The following AUTS2 variants were observed in gnomAD, a reference collection of about 807,000 sequenced individuals.
The protein encoded by AUTS2 is activator of transcription and developmental regulator AUTS2.
Under a neutral mutation model 112.4 loss-of-function variants are expected in AUTS2, and 17 were observed. That is an observed-to-expected ratio of 0.15 (90% CI 0.10 to 0.23). The LOEUF is 0.23. Among genes scored for constraint, AUTS2 ranks in the 10% least tolerant of loss-of-function variants. The probability of loss-of-function intolerance (pLI) is 1.00; values close to 1 mark genes in which losing one functional copy is unlikely to be tolerated. For synonymous variants in AUTS2, 751 were observed against 702.7 expected (o/e 1.07, Z -1.09); for missense variants, 1,510 against 1,701.6 (o/e 0.89, Z 1.98).
Position 70,785,982 on chromosome 7 carries a change from C to A in AUTS2, c.2252C>A (p.Thr751Lys). 6.2e-7 allele frequency: 1 copy of A among 1,614,130 alleles called. No individual in the cohort carries two copies. Among genetic ancestry groups the A allele is most frequent in the Non-Finnish European group, 8.5e-7 (1 of 1,180,004 alleles). The change falls in exon 17 of 19, where the codon ACA (threonine) becomes AAA (lysine). Residue 751 changes from threonine (T) to lysine (K), a missense_variant. Coordinates refer to ENST00000342771, the MANE Select transcript of AUTS2 (RefSeq NM_015570.4). ...CCTTTTAATCGGCCGTCTACATTCA[C>A]AGGCCTAGCAGCAGTTGGTGGCAAT... ...LEPFNRPSTFTGLAAVGGNAF... is the reference protein window; with the variant it reads ...LEPFNRPSTFKGLAAVGGNAF...
chr7:70,484,943 C>A (rs1046168644), intron 5 of AUTS2, among the ~76,000 whole-genome samples: 1 of 152,174 alleles, frequency 6.6e-6, no homozygotes, highest in Non-Finnish European at 1.5e-5. Flanking sequence ...TACCACCTTA[C>A]TCCTGCAAGA....
intron 6 of AUTS2, among the ~76,000 whole-genome samples, chr7:70,750,550 G>A (rs1321471814): frequency 9.9e-5 from 15 of 151,890 alleles, no homozygotes; most frequent in African/African-American, 3.4e-4. Flanking sequence ...ACAGGCACAC[G>A]CCACCATGCC....
At chr7:70,299,532 A>G (rs1789105939) in intron 4 of AUTS2, among the ~76,000 whole-genome samples, 1 of 152,190 alleles carries the variant, frequency 6.6e-6, no homozygotes, top group Non-Finnish European at 1.5e-5. Context: ...TAGGTGCTTG[A>G]AAATGAGCGT....
At chr7:70,475,081 C>T (rs978512910) in intron 5 of AUTS2, among the ~76,000 whole-genome samples, 4 of 152,190 alleles carry the variant, frequency 2.6e-5, no homozygotes, top group African/African-American at 7.2e-5. Flanking sequence ...GATCTCTGCC[C>T]AGGGGCCTGG....
At chr7:70,567,457 A>G (rs1022437227) in intron 5 of AUTS2, among the ~76,000 whole-genome samples, 3 of 152,204 alleles carry the variant, frequency 2.0e-5, no homozygotes, top group Non-Finnish European at 4.4e-5. Context: ...GTCCTTGGGC[A>G]AGCCACTTAA....
At chr7:70,219,769 A>G (rs1811378171) in intron 4 of AUTS2, among the ~76,000 whole-genome samples, 1 of 151,930 alleles carries the variant, frequency 6.6e-6, no homozygotes, top group Non-Finnish European at 1.5e-5. Context: ...ACAGGGTTTC[A>G]CCACATTGGT....
intron 2 of AUTS2, among the ~76,000 whole-genome samples, chr7:69,977,914 CT>C: frequency 6.6e-6 from 1 of 152,262 alleles, no homozygotes; most frequent in Admixed American, 6.5e-5. Context: ...CTTCTTTTCA[CT>C]TTTCAGAGTC....
intron 1 of AUTS2, among the ~76,000 whole-genome samples, chr7:69,846,511 C>T (rs1457808071): frequency 6.6e-6 from 1 of 152,204 alleles, no homozygotes; most frequent in Non-Finnish European, 1.5e-5. Flanking sequence ...TGAGCACTCC[C>T]TATGTGTCGG....
intron 1 of AUTS2, among the ~76,000 whole-genome samples, chr7:69,701,572 T>G (rs1797809842): frequency 6.6e-6 from 1 of 152,174 alleles, no homozygotes; most frequent in Non-Finnish European, 1.5e-5. Context: ...CTCCTTTGAC[T>G]GGGGTGACGA....
chr7:69,902,780 C>T (rs1795017039), intron 2 of AUTS2, among the ~76,000 whole-genome samples: 1 of 152,100 alleles, frequency 6.6e-6, no homozygotes, highest in Admixed American at 6.5e-5. Flanking sequence ...AACCCAAGTT[C>T]TTGTGATGTT....
chr7:70,708,536 T>C (rs937486489), intron 6 of AUTS2, among the ~76,000 whole-genome samples: 3 of 152,118 alleles, frequency 2.0e-5, no homozygotes, highest in African/African-American at 7.2e-5. Flanking sequence ...TAAAAGAGTT[T>C]AAATGTATTT....
At chr7:69,866,712 A>C (rs1229887115) in intron 1 of AUTS2, among the ~76,000 whole-genome samples, 1 of 152,216 alleles carries the variant, frequency 6.6e-6, no homozygotes, top group Non-Finnish European at 1.5e-5. Context: ...TTACAGCAGA[A>C]GACGATGGTT....
intron 6 of AUTS2, among the ~76,000 whole-genome samples, chr7:70,731,494 A>G (rs968098298): frequency 2.3e-5 from 3 of 132,094 alleles, no homozygotes; most frequent in Non-Finnish European, 3.0e-5. Flanking sequence ...CAGTGGTGCA[A>G]TCTCGGCTCA....
At chr7:69,876,376 A>ATATATATATATATATG (rs1249907173) in intron 1 of AUTS2, among the ~76,000 whole-genome samples, 2 of 114,462 alleles carry the variant, frequency 1.7e-5, no homozygotes, top group Non-Finnish European at 3.5e-5. Context: ...ATATATATAT[A>ATATATATATATATATG]TATATATGTA....
At chr7:70,352,346 C>T (rs747283755) in intron 4 of AUTS2, among the ~76,000 whole-genome samples, 3 of 152,184 alleles carry the variant, frequency 2.0e-5, no homozygotes, top group Non-Finnish European at 2.9e-5. Context: ...CATGGCCTAA[C>T]TTGCCTCTCT....
chr7:70,207,179 G>T (rs1419563279), intron 4 of AUTS2, among the ~76,000 whole-genome samples: 1 of 152,078 alleles, frequency 6.6e-6, no homozygotes, highest in African/African-American at 2.4e-5. Context: ...TTGAAGCAAG[G>T]GTTACTTTGG....
intron 5 of AUTS2, among the ~76,000 whole-genome samples, chr7:70,664,516 T>C (rs1807232453): frequency 6.6e-6 from 1 of 152,228 alleles, no homozygotes; most frequent in African/African-American, 2.4e-5. Flanking sequence ...ATTCAAATTT[T>C]AGTAATATAT....
At chr7:70,056,355 A>G (rs1396902935) in intron 2 of AUTS2, among the ~76,000 whole-genome samples, 2 of 152,152 alleles carry the variant, frequency 1.3e-5, no homozygotes, top group Non-Finnish European at 2.9e-5. Flanking sequence ...TTCAGCCTTT[A>G]TACTTTAATC....
In AUTS2 at chr7:70,645,056, T is replaced by C. The variant is rs150161402; in HGVS notation, c.691-53513T>C. Among the ~76,000 whole-genome samples the C allele has an allele frequency of 2.7e-3, 412 of 152,372 alleles. 4 individuals are homozygous for C. The highest frequency in any genetic ancestry group is 9.3e-3 in the African/African-American group (385 of 41,586). On this transcript the variant is annotated intron_variant, in intron 5 of 18. Coordinates refer to ENST00000342771, the MANE Select transcript of AUTS2 (RefSeq NM_015570.4). ...TCTCTGTTTATCCCAGCTTTCTTTCTGTGCTATTACCAAGATAATTGAGTT... is the reference window on the plus strand; with the variant it reads ...TCTCTGTTTATCCCAGCTTTCTTTCCGTGCTATTACCAAGATAATTGAGTT...
Sources: allele counts gnomAD v4.1 joint callset (sites outside exome capture counted in the v4.1 genomes callset), GRCh38; gene constraint gnomAD v4.1.1; transcripts MANE v1.5; gene names NCBI Gene and HGNC (gene_info 2026-07-23, HGNC 2026-07-21).